Variants in SNX13 observed in about 807,000 individuals in gnomAD.
SNX13 encodes the protein sorting nexin-13.
A neutral mutation model predicts 133.6 loss-of-function variants in SNX13; 45 were observed. That is an observed-to-expected ratio of 0.34 (90% confidence interval 0.27 to 0.43). The LOEUF is 0.43. Among genes scored for constraint, SNX13 ranks in the 20% least tolerant of loss-of-function variants. The probability of loss-of-function intolerance (pLI) is 1.00; values close to 1 mark genes in which losing one functional copy is unlikely to be tolerated. For missense variants in SNX13, 1,032 were observed against 1,145.1 expected, an observed-to-expected ratio of 0.90 and a Z score of 1.43; for synonymous variants, 414 against 373.9, an observed-to-expected ratio of 1.11 and a Z score of -1.24.
chr7:17,891,610 G>T lies in SNX13; in HGVS notation c.254C>A (p.Ala85Asp). Residue 85 changes from alanine (A) to aspartate (D), a missense_variant, in exon 4 of 26, where the codon GCC (alanine) becomes GAC (aspartate). Transcript: ENST00000428135. ...PKCLEEMKREARTIKIDRRLT... is the reference protein window; with the variant it reads ...PKCLEEMKREDRTIKIDRRLT... ...TCTTCTATCAATCTTAATAGTCCTGGCTTCCCGTTTCATTTCTTCTAAGCA... is the reference window on the plus strand; with the variant it reads ...TCTTCTATCAATCTTAATAGTCCTGTCTTCCCGTTTCATTTCTTCTAAGCA... 1 of 1,611,952 alleles carries T rather than the reference G, an allele frequency of 6.2e-7. No homozygotes were observed.
At chr7:17,929,107 T>C (rs1801105049) in intron 1 of SNX13, among the ~76,000 whole-genome samples, 1 of 151,864 alleles carries the variant, frequency 6.6e-6, no homozygotes, top group Admixed American at 6.6e-5. Flanking sequence ...AGAGAGAAAC[T>C]TGCAGGCCTG....
chr7:17,864,861 A>C (rs1195032254), intron 9 of SNX13, among the ~76,000 whole-genome samples: 1 of 152,042 alleles, frequency 6.6e-6, no homozygotes, highest in Non-Finnish European at 1.5e-5. Flanking sequence ...CAGCAGCAGC[A>C]AATAACACAA....
intron 13 of SNX13, among the ~76,000 whole-genome samples, chr7:17,838,653 C>T (rs1789457323): frequency 6.6e-6 from 1 of 151,844 alleles, no homozygotes; most frequent in South Asian, 2.1e-4. Context: ...TGATACAATG[C>T]ATTTTCATTC....
At chr7:17,837,712 G>T (rs1256994137) in intron 13 of SNX13, among the ~76,000 whole-genome samples, 1 of 151,760 alleles carries the variant, frequency 6.6e-6, no homozygotes, top group East Asian at 1.9e-4. Flanking sequence ...CCTTTTTGAG[G>T]AAAAATGGTT....
intron 1 of SNX13, among the ~76,000 whole-genome samples, chr7:17,921,482 G>A (rs528906738): frequency 5.9e-5 from 9 of 151,996 alleles, no homozygotes; most frequent in African/African-American, 9.7e-5. Context: ...CACTATTTTT[G>A]CTTCAAGTAA....
intron 5 of SNX13, among the ~76,000 whole-genome samples, chr7:17,879,271 A>G (rs1185196157): frequency 1.3e-5 from 2 of 152,150 alleles, no homozygotes; most frequent in Non-Finnish European, 2.9e-5. Context: ...CTTCACATGC[A>G]TATTCACAGT....
chr7:17,830,815 T>C lies in SNX13; in HGVS notation c.1598-768A>G, dbSNP rs555935999. ...AAAGCAATATTCATACACAGTTTAA[T>C]ATATGGTTTCGAGCACTTAAGAGGT... On this transcript the variant is annotated intron_variant, in intron 15 of 25. Transcript: ENST00000428135. 7.1e-6 allele frequency: 7 copies of C among 984,094 alleles called. No homozygotes were observed. The East Asian group carries it at 5.7e-4, about 80-fold the overall frequency. The allele number at this position is 984,094 out of a possible 1,614,324, so 61.0% of individuals were successfully genotyped here.
chr7:17,931,648 TC>T (rs1166571517), intron 1 of SNX13, among the ~76,000 whole-genome samples: 9 of 152,180 alleles, frequency 5.9e-5, no homozygotes, highest in African/African-American at 2.2e-4. Flanking sequence ...ACAGCTAAGG[TC>T]AAGAGCAAAG....
At chr7:17,927,165 T>C (rs1055671546) in intron 1 of SNX13, among the ~76,000 whole-genome samples, 6 of 150,770 alleles carry the variant, frequency 4.0e-5, no homozygotes, top group Non-Finnish European at 3.0e-5. Context: ...ATTACATATA[T>C]GTTTATATAT....
chr7:17,807,785 G>C lies in SNX13; in HGVS notation c.2065-4205C>G, dbSNP rs1008737340. On this transcript the variant is annotated intron_variant, in intron 20 of 25. Transcript: ENST00000428135. ...AGAGGAAGGAACAGGCAGCAATCTT[G>C]GCTGCTCTGCAGCCTCTGCTGGTGA... Among the ~76,000 whole-genome samples, 11 of 152,242 alleles carry C rather than the reference G, an allele frequency of 7.2e-5. No homozygotes were observed. The East Asian group carries it at 7.7e-4, about 11-fold the overall frequency.
chr7:17,797,082 T>C (rs572756836), intron 24 of SNX13, 143 bp from the exon 25 acceptor site: 18 of 657,632 alleles, frequency 2.7e-5, no homozygotes, highest in African/African-American at 2.4e-4. Flanking sequence ...GCTATAATGA[T>C]ATTCAAGAAA....
intron 1 of SNX13, among the ~76,000 whole-genome samples, chr7:17,915,827 C>A (rs1799501992): frequency 1.3e-5 from 2 of 152,184 alleles, no homozygotes; most frequent in African/African-American, 4.8e-5. Context: ...CTACAGGACA[C>A]TTAACCCAAT....
In SNX13 at chr7:17,793,293, CT is replaced by C. The variant is rs995655762; in HGVS notation, c.*751del. On this transcript the variant is annotated 3_prime_UTR_variant, in exon 26 of 26. Coordinates refer to ENST00000428135, the MANE Select transcript of SNX13 (RefSeq NM_015132.5). The stretch of plus-strand genomic sequence containing the variant: ...AAATTTAAATGAGAGCCACCACATG[CT>C]TCTTTTTGCACAAAGAATGCCAAAA... 1 of 152,292 alleles carries C rather than the reference CT, an allele frequency of 6.6e-6. No homozygotes were observed. The highest frequency in any genetic ancestry group is 2.4e-5 in the African/African-American group (1 of 41,398). 9.4% of individuals were successfully genotyped at this position (152,292 alleles called of 1,614,324 possible).
Position 17,816,173 on chromosome 7 carries a change from T to A in SNX13, c.1953+9A>T, listed in dbSNP as rs1312683704. The A allele has an allele frequency of 6.5e-7, 1 of 1,527,126 alleles. No individual in the cohort carries two copies. Among genetic ancestry groups the A allele is most frequent in the Non-Finnish European group, 8.8e-7 (1 of 1,135,774 alleles). The allele number at this position is 1,527,126 out of a possible 1,614,324, so 94.6% of individuals were successfully genotyped here. On this transcript the variant is annotated intron_variant, in intron 19 of 25. Coordinates refer to ENST00000428135, the MANE Select transcript of SNX13 (RefSeq NM_015132.5). ...GAAAATCTGTGGATTATAGTAAACA[T>A]GAGCTTACCTGCAAATATGCATTTA...
intron 13 of SNX13, among the ~76,000 whole-genome samples, chr7:17,839,305 A>T (rs1034218289): frequency 6.6e-6 from 1 of 151,098 alleles, no homozygotes; most frequent in African/African-American, 2.4e-5. Flanking sequence ...TATATCCTTG[A>T]TGTTTTTCTA....
chr7:17,825,888 T>C (rs1787853634), intron 17 of SNX13, 134 bp downstream of exon 17: 4 of 558,522 alleles, frequency 7.2e-6, no homozygotes, highest in Middle Eastern at 4.8e-4. Flanking sequence ...ATGAAGGACA[T>C]GCTGCAGAAA....
chr7:17,892,223 C>CACTAAAT, intron 3 of SNX13, among the ~76,000 whole-genome samples: 1 of 151,842 alleles, frequency 6.6e-6, no homozygotes, highest in East Asian at 1.9e-4. Flanking sequence ...ATTAAAAATA[C>CACTAAAT]ATGCTTCAAA....
At chr7:17,808,217 G>A (rs569822927) in intron 20 of SNX13, among the ~76,000 whole-genome samples, 47 of 152,016 alleles carry the variant, frequency 3.1e-4, no homozygotes, top group Non-Finnish European at 5.6e-4. Context: ...TTGAAAAACA[G>A]CTGAATTGCT....
At chr7:17,837,448 C>G (rs562501198) in intron 13 of SNX13, among the ~76,000 whole-genome samples, 1 of 152,000 alleles carries the variant, frequency 6.6e-6, no homozygotes, top group Non-Finnish European at 1.5e-5. Flanking sequence ...CCTAAATATC[C>G]TTTCAACAAA....
Sources: gnomAD v4.1 joint callset for allele counts (sites outside exome capture counted in the v4.1 genomes callset) on GRCh38, gnomAD v4.1.1 for gene constraint, MANE v1.5 for transcripts, NCBI Gene and HGNC (gene_info 2026-07-23, HGNC 2026-07-21) for gene names.